SAMM50: variants seen among roughly 807,000 people sequenced by gnomAD.
SAMM50 encodes the protein sorting and assembly machinery component 50 homolog.
Under a neutral mutation model 66.9 loss-of-function variants are expected in SAMM50, and 47 were observed. That is an observed-to-expected ratio of 0.70 (90% CI 0.56 to 0.90). SAMM50 has a LOEUF of 0.90. Ranked by LOEUF, SAMM50 falls within the 40% of genes least tolerant of loss-of-function variation. The pLI, the probability that SAMM50 is intolerant of heterozygous loss-of-function variation, is 0.00. For missense variants in SAMM50, 535 were observed against 595.3 expected (o/e 0.90, Z 1.05); for synonymous variants, 191 against 214.1 (o/e 0.89, Z 0.94).
intron 3 of SAMM50, among the ~76,000 whole-genome samples, chr22:43,966,507 A>G (rs918432309): frequency 3.9e-5 from 6 of 152,022 alleles, no homozygotes; most frequent in African/African-American, 1.4e-4. Context: ...ACAGGTGCAC[A>G]CCACCACACC....
At chr22:43,956,985 T>C in intron 1 of SAMM50, 2 of 661,928 alleles carry the variant, frequency 3.0e-6, no homozygotes, top group Non-Finnish European at 5.4e-6. Flanking sequence ...CCATCTTGGC[T>C]CCTGTGGCGG....
chr22:43,976,323 C>G (rs1432296418), intron 8 of SAMM50, 140 bp downstream of exon 8: 1 of 954,454 alleles, frequency 1.0e-6, no homozygotes, highest in African/African-American at 1.7e-5. Flanking sequence ...CCCCCACTCC[C>G]CGAGGGCTTG....
intron 1 of SAMM50, among the ~76,000 whole-genome samples, chr22:43,961,250 C>T (rs1220644690): frequency 6.6e-6 from 1 of 152,140 alleles, no homozygotes; most frequent in Non-Finnish European, 1.5e-5. Context: ...ATAGTTTTCT[C>T]CAAACTTGCT....
intron 12 of SAMM50, chr22:43,987,228 A>T (rs909809876): frequency 7.9e-5 from 12 of 152,180 alleles, no homozygotes; most frequent in African/African-American, 2.9e-4. Flanking sequence ...GTGTATGTTC[A>T]AGAATTGTTA....
At chr22:43,980,629 A>T (rs1309999782) in intron 10 of SAMM50, among the ~76,000 whole-genome samples, 1 of 152,160 alleles carries the variant, frequency 6.6e-6, no homozygotes, top group African/African-American at 2.4e-5. Context: ...GAGTCCGGAC[A>T]CCTGGCTGAG....
Position 43,973,568 on chromosome 22 carries a change from C to G in SAMM50, c.648+245C>G, listed in dbSNP as rs535199716. Among the ~76,000 whole-genome samples, 7 of 152,250 alleles carry G rather than the reference C, an allele frequency of 4.6e-5. 1 individual carries two copies. Among genetic ancestry groups the G allele is most frequent in the Admixed American group, 3.9e-4 (6 of 15,296 alleles). ...ACTACCCGAGGCACCATTGGTTGTC[C>G]CTCCCCATATGTGTGGAGACTGACA... is the stretch of plus-strand genomic sequence containing the variant. On this transcript the variant is annotated intron_variant, in intron 7 of 14. Transcript: ENST00000350028.
chr22:43,967,915 A>C (rs535152954), intron 3 of SAMM50, among the ~76,000 whole-genome samples: 1 of 152,336 alleles, frequency 6.6e-6, no homozygotes, highest in East Asian at 1.9e-4. Context: ...GAACATTTCT[A>C]ACAGTGGTTA....
chr22:43,965,576 G>A (rs1165453173), intron 3 of SAMM50, among the ~76,000 whole-genome samples: 1 of 152,098 alleles, frequency 6.6e-6, no homozygotes, highest in Non-Finnish European at 1.5e-5. Flanking sequence ...AAAATCAAAT[G>A]GTACAGAAGG....
intron 3 of SAMM50, among the ~76,000 whole-genome samples, chr22:43,965,184 TAAAAA>T (rs34840511): frequency 2.3e-5 from 3 of 133,056 alleles, no homozygotes; most frequent in East Asian, 2.2e-4. Flanking sequence ...CATTCCCACT[TAAAAA>T]AAAAAAAAAA....
intron 11 of SAMM50, 44 bp downstream of exon 11, chr22:43,981,505 T>G: frequency 7.3e-7 from 1 of 1,378,710 alleles, no homozygotes; most frequent in Non-Finnish European, 1.0e-6. Flanking sequence ...ATATTTTCCT[T>G]TGGATCTTTT....
At chr22:43,980,168 C>T (rs950772483) in intron 10 of SAMM50, among the ~76,000 whole-genome samples, 32 of 6,510 alleles carry the variant, frequency 4.9e-3, no homozygotes, top group Non-Finnish European at 6.9e-3. Flanking sequence ...ATCCATTCAC[C>T]CACCCACCCA....
chr22:43,963,080 T>C (rs954495348), intron 1 of SAMM50: 14 of 387,826 alleles, frequency 3.6e-5, no homozygotes, highest in African/African-American at 2.5e-4. Flanking sequence ...TGACCACCAG[T>C]GAGTTAACCA....
intron 7 of SAMM50, chr22:43,975,691 C>T (rs112201339): frequency 0.021 from 3,489 of 167,982 alleles, 151 homozygotes; most frequent in Admixed American, 0.12. Context: ...GTGGGGTTTG[C>T]GCCATCAGAT....
intron 6 of SAMM50, 102 bp from the exon 7 acceptor site, chr22:43,973,134 G>C (rs1025405587): frequency 7.4e-7 from 1 of 1,348,288 alleles, no homozygotes; most frequent in Non-Finnish European, 1.0e-6. Context: ...ATTTCCTCTT[G>C]AAGATGAGCC....
In SAMM50 at chr22:43,960,557, C is replaced by T. The variant is rs541884030; in HGVS notation, c.22-2729C>T. On this transcript the variant is annotated intron_variant, in intron 1 of 14. Coordinates refer to ENST00000350028, the MANE Select transcript of SAMM50 (RefSeq NM_015380.5). ...CAGCCTGACCAACATGGCGAAACCC[C>T]GTCTCTACTAAAAATACAATAATTA... Among the ~76,000 whole-genome samples, 146 of 152,182 alleles carry T rather than the reference C, an allele frequency of 9.6e-4. 1 individual carries two copies. Among genetic ancestry groups the T allele is most frequent in the African/African-American group, 3.3e-3 (139 of 41,504 alleles).
intron 1 of SAMM50, among the ~76,000 whole-genome samples, chr22:43,962,070 G>A (rs1386063098): frequency 6.6e-6 from 1 of 152,038 alleles, no homozygotes; most frequent in African/African-American, 2.4e-5. Flanking sequence ...TAAACTCATC[G>A]TAAGTTGAAA....
intron 1 of SAMM50, chr22:43,963,078 A>C: frequency 2.6e-6 from 1 of 386,410 alleles, no homozygotes; most frequent in Admixed American, 4.3e-5. Context: ...AGTGACCACC[A>C]GTGAGTTAAC....
At chr22:43,981,238 G>C (rs2050263075) in intron 10 of SAMM50, among the ~76,000 whole-genome samples, 153 bp from the exon 11 acceptor site, 1 of 152,248 alleles carries the variant, frequency 6.6e-6, no homozygotes, top group African/African-American at 2.4e-5. Context: ...GCTCTGCAAC[G>C]GGACAAGCCA....
intron 4 of SAMM50, among the ~76,000 whole-genome samples, chr22:43,969,366 T>C (rs571316792): frequency 6.6e-6 from 1 of 152,326 alleles, no homozygotes; most frequent in South Asian, 2.1e-4. Context: ...ATTTATTCTT[T>C]GGCTAGTGAG....
Sources: gnomAD v4.1 joint callset for allele counts (sites outside exome capture counted in the v4.1 genomes callset) on GRCh38, gnomAD v4.1.1 for gene constraint, MANE v1.5 for transcripts, NCBI Gene and HGNC (gene_info 2026-07-23, HGNC 2026-07-21) for gene names.